MLANA: variants seen among roughly 807,000 people sequenced by gnomAD.
MLANA encodes melan-A.
Under a neutral mutation model 15.7 loss-of-function variants are expected in MLANA, and 21 were observed. The ratio of observed to expected loss-of-function variants is 1.33; its 90% CI spans 0.95 to 1.92. The LOEUF is 1.92. MLANA is among the 40% of genes most tolerant of loss of function. The pLI, the probability that MLANA is intolerant of heterozygous loss-of-function variation, is 0.00. For synonymous variants in MLANA, 56 were observed against 51.5 expected (o/e 1.09, Z -0.37); for missense variants, 164 against 143.8 (o/e 1.14, Z -0.72).
In MLANA at chr9:5,903,427, T is replaced by G. The variant is rs531652638; in HGVS notation, c.175-3458T>G. Reference sequence around the variant, plus strand: ...TTTGATTTGCTAATATGTTGTTGAGTTTTTTTGCATCTATATTTATGAGAG... The same window carrying G: ...TTTGATTTGCTAATATGTTGTTGAGGTTTTTTGCATCTATATTTATGAGAG... On this transcript the variant is annotated intron_variant, in intron 3 of 4. Coordinates refer to ENST00000381477, the MANE Select transcript of MLANA (RefSeq NM_005511.2). Among the ~76,000 whole-genome samples the G allele has an allele frequency of 1.1e-3, 171 of 152,288 alleles. 1 individual carries two copies. Among genetic ancestry groups the G allele is most frequent in the African/African-American group, 4.0e-3 (166 of 41,572 alleles).
chr9:5,907,082 A>T, intron 4 of MLANA, 84 bp downstream of exon 4: 1 of 964,428 alleles, frequency 1.0e-6, no homozygotes, highest in South Asian at 1.9e-5. Flanking sequence ...TTTAAAAAGC[A>T]AGGACAATGT....
At chr9:5,904,150 T>C (rs1050086943) in intron 3 of MLANA, among the ~76,000 whole-genome samples, 1 of 151,892 alleles carries the variant, frequency 6.6e-6, no homozygotes, top group African/African-American at 2.4e-5. Flanking sequence ...TGAGCCACCA[T>C]GCCTGGCCTC....
intron 1 of MLANA, among the ~76,000 whole-genome samples, chr9:5,892,182 C>G (rs1831696898): frequency 6.6e-6 from 1 of 152,190 alleles, no homozygotes; most frequent in African/African-American, 2.4e-5. Context: ...CAAATAATAA[C>G]TCAACTTGCA....
In MLANA at chr9:5,894,232, AACCTCATAGCCAGGTGT is replaced by A. The variant is rs1831857864; in HGVS notation, c.77+1685_77+1701del. ...GTAGGGCCATCATGCCCAGCTGGGG[AACCTCATAGCCAGGTGT>A]ACCCACAACCTGAACAAGGTAACTT... is the stretch of plus-strand genomic sequence containing the variant. On this transcript the variant is annotated intron_variant, in intron 2 of 4. Transcript: ENST00000381477. The surrounding 1 kb of genome is among the most constrained non-coding windows in gnomAD (Gnocchi z 4.0). Among the ~76,000 whole-genome samples, 1 of 152,108 alleles carries A rather than the reference AACCTCATAGCCAGGTGT, an allele frequency of 6.6e-6. No individual in the cohort carries two copies. The highest frequency in any genetic ancestry group is 2.4e-5 in the African/African-American group (1 of 41,428).
At chr9:5,898,058 A>ATT (rs77598639) in intron 3 of MLANA, 9,298 of 160,328 alleles carry the variant, frequency 0.058, 924 homozygotes, top group African/African-American at 0.21. Flanking sequence ...AGCTGAACTC[A>ATT]TTTTTTTTTT....
In MLANA at chr9:5,892,540, C is replaced by T. The variant is rs749967612; in HGVS notation, c.66C>T (p.Thr22=). 1 of 1,613,086 alleles carries T rather than the reference C, an allele frequency of 6.2e-7. No individual in the cohort carries two copies. The highest frequency in any genetic ancestry group is 8.5e-7 in the Non-Finnish European group (1 of 1,179,698). Residue 22 remains threonine, a synonymous_variant, in exon 2 of 5, where the codon ACC becomes ACT. Coordinates refer to ENST00000381477, the MANE Select transcript of MLANA (RefSeq NM_005511.2). The stretch of plus-strand genomic sequence containing the variant: ...AGAAGGGGCACGGCCACTCTTACAC[C>T]ACGGCTGAAGAGTAAGTTCAAAACC... ...YPKKGHGHSY[T]TAEEAAGIGI... is the part of the protein sequence containing the mutation.
chr9:5,896,885 G>A (rs1264136888), intron 2 of MLANA, among the ~76,000 whole-genome samples: 1 of 152,210 alleles, frequency 6.6e-6, no homozygotes, highest in Non-Finnish European at 1.5e-5. Context: ...TGTAGGTTCA[G>A]CCCAGACACT....
rs1280914939 is a variant in MLANA, at chr9:5,909,995, T to C, written c.*1287T>C. ...AGTGGAAAACCAGTATCATTTTCCA[T>C]AGTAGAGGATAACTATAACAACGAA... is the stretch of plus-strand genomic sequence containing the variant. On this transcript the variant is annotated 3_prime_UTR_variant, in exon 5 of 5. Transcript: ENST00000381477. The C allele has an allele frequency of 2.0e-5, 3 of 152,250 alleles. No homozygotes were observed. The highest frequency in any genetic ancestry group is 4.8e-5 in the African/African-American group (2 of 41,464). 9.4% of individuals were successfully genotyped at this position (152,250 alleles called of 1,614,324 possible).
At chr9:5,891,647 G>A (rs559268934) in intron 1 of MLANA, among the ~76,000 whole-genome samples, 24 of 152,198 alleles carry the variant, frequency 1.6e-4, no homozygotes, top group African/African-American at 5.8e-4. Flanking sequence ...TTTAATGAGC[G>A]TACTTGAATT....
chr9:5,895,568 C>G (rs1408950852), intron 2 of MLANA, among the ~76,000 whole-genome samples: 1 of 152,158 alleles, frequency 6.6e-6, no homozygotes. Flanking sequence ...TACATACCTG[C>G]TTTGGGTATT....
rs1015549465 is a variant in MLANA at position 5,910,186 on chromosome 9, C to T, written c.*1478C>T. 1.3e-5 allele frequency: 2 copies of T among 152,302 alleles called. No homozygotes were observed. Among genetic ancestry groups the T allele is most frequent in the Non-Finnish European group, 2.9e-5 (2 of 68,026 alleles). 9.4% of individuals were successfully genotyped at this position (152,302 alleles called of 1,614,324 possible). A position where few individuals can be genotyped will look rare whatever the true frequency, so the allele number is the denominator to read the frequency against. ...GCTTACAAGAGTTTTAAAGAAATTA[C>T]TTTCTCACTATATGATTCATTGCTA... On this transcript the variant is annotated 3_prime_UTR_variant, in exon 5 of 5. Transcript: ENST00000381477.
chr9:5,898,762 C>A (rs1832212120), intron 3 of MLANA, among the ~76,000 whole-genome samples: 1 of 152,196 alleles, frequency 6.6e-6, no homozygotes, highest in African/African-American at 2.4e-5. Flanking sequence ...CCCCTTTCCT[C>A]ACTGGTTACC....
chr9:5,902,290 T>C (rs541798487), intron 3 of MLANA, among the ~76,000 whole-genome samples: 3 of 152,240 alleles, frequency 2.0e-5, no homozygotes, highest in African/African-American at 4.8e-5. Context: ...TTTGTGAGCA[T>C]AGTTCATAGT....
chr9:5,898,578 T>A (rs955705974), intron 3 of MLANA, among the ~76,000 whole-genome samples: 1 of 152,162 alleles, frequency 6.6e-6, no homozygotes, highest in East Asian at 1.9e-4. Context: ...CTTGGGTACC[T>A]GGATGTTGTG....
chr9:5,899,347 C>T (rs1043730021), intron 3 of MLANA: 16 of 152,236 alleles, frequency 1.1e-4, no homozygotes, highest in African/African-American at 3.1e-4. Flanking sequence ...GGATTCTTTC[C>T]CTCTTTGCCA....
chr9:5,901,619 G>T (rs568124391), intron 3 of MLANA, among the ~76,000 whole-genome samples: 1 of 151,980 alleles, frequency 6.6e-6, no homozygotes, highest in African/African-American at 2.4e-5. Context: ...CCCAGGCTCA[G>T]GTGATCCTCC....
intron 4 of MLANA, among the ~76,000 whole-genome samples, chr9:5,907,830 G>C (rs754773921): frequency 6.6e-6 from 1 of 152,204 alleles, no homozygotes; most frequent in Non-Finnish European, 1.5e-5. Context: ...GTGCATGCCT[G>C]TAATCCCAGC....
At position 5,909,464 on chromosome 9, in the gene MLANA, G is replaced by A. The variant is rs953959696; in HGVS notation, c.*756G>A. On this transcript the variant is annotated 3_prime_UTR_variant, in exon 5 of 5. Transcript: ENST00000381477. ...GTAGAGACGGGGTTTCTCCATGTTG[G>A]TCAGGCTGGTCTCAAACTCCTGACC... The A allele has an allele frequency of 6.6e-6, 1 of 152,166 alleles. No individual in the cohort carries two copies. The highest frequency in any genetic ancestry group is 6.6e-5 in the Admixed American group (1 of 15,266). 9.4% of individuals were successfully genotyped at this position (152,166 alleles called of 1,614,324 possible). A position where few individuals can be genotyped will look rare whatever the true frequency, so the allele number is the denominator to read the frequency against.
chr9:5,899,712 T>A (rs1045521995), intron 3 of MLANA, among the ~76,000 whole-genome samples: 6 of 152,216 alleles, frequency 3.9e-5, no homozygotes, highest in South Asian at 2.1e-4. Flanking sequence ...AATTGGCTAT[T>A]TACTTTTTGC....
Sources: allele counts gnomAD v4.1 joint callset (sites outside exome capture counted in the v4.1 genomes callset), GRCh38; gene constraint gnomAD v4.1.1; non-coding constraint Gnocchi (gnomAD v3.1); transcripts MANE v1.5; gene names NCBI Gene and HGNC (gene_info 2026-07-23, HGNC 2026-07-21).